The following TXNDC11 variants were observed in gnomAD, a reference collection of about 807,000 sequenced individuals.
TXNDC11 encodes the protein thioredoxin domain-containing protein 11.
In TXNDC11, 68 loss-of-function variants were observed where a neutral mutation model predicts 78.0. The ratio of observed to expected loss-of-function variants is 0.87; its 90% confidence interval spans 0.72 to 1.07. The LOEUF (loss-of-function observed/expected upper bound fraction) is 1.07. Among genes scored for constraint, TXNDC11 ranks in the 50% least tolerant of loss-of-function variants. The probability of loss-of-function intolerance (pLI) is 0.00; values close to 1 mark genes in which losing one functional copy is unlikely to be tolerated. For missense variants in TXNDC11, 1,389 were observed against 1,221.8 expected (o/e 1.14, Z -2.04); for synonymous variants, 571 against 495.2 (o/e 1.15, Z -2.03).
At chr16:11,704,749 T>C (rs1459983620) in intron 5 of TXNDC11, among the ~76,000 whole-genome samples, 2 of 152,116 alleles carry the variant, frequency 1.3e-5, no homozygotes, top group African/African-American at 4.8e-5. Flanking sequence ...GACAGAGGAT[T>C]TGTCATAGGT....
chr16:11,733,909 G>T, intron 3 of TXNDC11, 73 bp downstream of exon 3: 1 of 1,128,428 alleles, frequency 8.9e-7, no homozygotes, highest in Non-Finnish European at 1.3e-6. Context: ...CTTTAATATA[G>T]AAAAAATGCA....
intron 7 of TXNDC11, among the ~76,000 whole-genome samples, chr16:11,696,444 C>T (rs1030796959): frequency 1.3e-5 from 2 of 152,024 alleles, no homozygotes; most frequent in Admixed American, 6.5e-5. Flanking sequence ...CTGTACTGGA[C>T]AAGCCTCTAA....
Position 11,687,866 on chromosome 16 carries a change from G to C in TXNDC11, c.2144C>G (p.Thr715Ser), listed in dbSNP as rs1597407770. Residue 715 changes from threonine to serine, a missense_variant, in exon 10 of 12, where the codon ACT becomes AGT. By Grantham distance (58) the Thr-to-Ser change is moderately conservative. Transcript: ENST00000283033. The stretch of plus-strand genomic sequence containing the variant: ...GAAGAGGCCTGCTTACCTTGCCACA[G>C]TGAATGTGTCCATGGGCAGGTTCCG... ...LARNLPMDTF[T>S]VARIDVSQND... 2 of 1,612,074 alleles carry C rather than the reference G, an allele frequency of 1.2e-6. No individual in the cohort carries two copies. Among genetic ancestry groups the C allele is most frequent in the Non-Finnish European group, 1.7e-6 (2 of 1,178,350 alleles).
At chr16:11,697,782 CCT>C (rs1258720390) in intron 7 of TXNDC11, among the ~76,000 whole-genome samples, 3 of 152,198 alleles carry the variant, frequency 2.0e-5, no homozygotes, top group Non-Finnish European at 2.9e-5. Context: ...CCTGCCACTC[CCT>C]GTTTCACCCC....
At chr16:11,710,869 G>T (rs1360942381) in intron 5 of TXNDC11, among the ~76,000 whole-genome samples, 2 of 152,118 alleles carry the variant, frequency 1.3e-5, no homozygotes, top group South Asian at 4.2e-4. Flanking sequence ...ATTGGCCCCT[G>T]TCTATCTATG....
At chr16:11,731,326 G>T (rs971424737) in intron 3 of TXNDC11, among the ~76,000 whole-genome samples, 17 of 152,282 alleles carry the variant, frequency 1.1e-4, no homozygotes, top group Admixed American at 9.2e-4. Context: ...ATTATGTGAA[G>T]GTCTGAAGTC....
chr16:11,736,305 T>C (rs749316744), intron 1 of TXNDC11, 72 bp from the exon 2 acceptor site: 1 of 1,262,542 alleles, frequency 7.9e-7, no homozygotes, highest in Non-Finnish European at 1.1e-6. Context: ...GGAAGTAGAA[T>C]GAAGCTTAAA....
intron 11 of TXNDC11, among the ~76,000 whole-genome samples, chr16:11,680,917 A>G (rs1332432186): frequency 6.6e-6 from 1 of 152,182 alleles, no homozygotes; most frequent in African/African-American, 2.4e-5. Flanking sequence ...CTGTAATCCC[A>G]GTGCTTTGGG....
In TXNDC11 at chr16:11,700,774, T is replaced by A. The variant is rs374744768; in HGVS notation, c.794-210A>T. Among the ~76,000 whole-genome samples the A allele has an allele frequency of 2.8e-4, 43 of 152,300 alleles. 1 individual carries two copies. Among genetic ancestry groups the A allele is most frequent in the African/African-American group, 9.6e-4 (40 of 41,556 alleles). On this transcript the variant is annotated intron_variant, in intron 5 of 11. Transcript: ENST00000283033. ...TGTCAAGCCTGCTTCTGAGAGGATG[T>A]CTCTGACTAACGTCTCTGACAATCA...
At chr16:11,724,870 C>T (rs562567736) in intron 4 of TXNDC11, among the ~76,000 whole-genome samples, 10 of 152,200 alleles carry the variant, frequency 6.6e-5, no homozygotes, top group Non-Finnish European at 1.0e-4. Flanking sequence ...CTCAGCCTCC[C>T]GAGTAGCTGG....
chr16:11,688,419 G>A lies in TXNDC11; in HGVS notation c.1927C>T (p.Leu643Phe), dbSNP rs1211112871. The A allele has an allele frequency of 6.2e-7, 1 of 1,609,974 alleles. No homozygotes were observed. The highest frequency in any genetic ancestry group is 1.3e-5 in the African/African-American group (1 of 74,736). Reference protein sequence around the residue: ...LESFIQNFSVLYSPLKRHLIG... With the variant: ...LESFIQNFSVFYSPLKRHLIG... ...AGATGCCTTTTCAAGGGACTATAGA[G>A]AACGCTGAAGTTTTGAATAAAAGAC... Residue 643 changes from leucine (L) to phenylalanine (F), a missense_variant, in exon 9 of 12, where the codon CTC (leucine) becomes TTC (phenylalanine). Coordinates refer to ENST00000283033, the MANE Select transcript of TXNDC11 (RefSeq NM_015914.7).
At chr16:11,687,090 TCC>T (rs1160483795) in intron 10 of TXNDC11, among the ~76,000 whole-genome samples, 4 of 152,198 alleles carry the variant, frequency 2.6e-5, no homozygotes, top group Admixed American at 2.6e-4. Context: ...ATATTAATGG[TCC>T]CCCTTTTTGT....
chr16:11,742,648 GC>G lies in TXNDC11; in HGVS notation c.82del (p.Ala28ArgfsTer63). 6.8e-7 allele frequency: 1 copy of G among 1,460,496 alleles called. No individual in the cohort carries two copies. 90.5% of individuals were successfully genotyped at this position (1,460,496 alleles called of 1,614,324 possible). On this transcript the variant is annotated frameshift_variant, in exon 1 of 12. Coordinates refer to ENST00000283033, the MANE Select transcript of TXNDC11 (RefSeq NM_015914.7). LOFTEE classifies it high-confidence loss of function. ...EDEGGGGGGP[A>X]GSDCLSSSPT... ...GCTCGAGCTGAGGCAGTCTGAGCCC[GC>G]GGGGCCGCCGCCGCCCCCTCCCTCG...
chr16:11,681,668 C>T (rs1003193879), intron 11 of TXNDC11, among the ~76,000 whole-genome samples: 1 of 152,174 alleles, frequency 6.6e-6, no homozygotes, highest in Non-Finnish European at 1.5e-5. Flanking sequence ...GAGCACCCAT[C>T]TCCCCCTCAT....
rs1342639562 is a variant in TXNDC11, at chr16:11,691,291, T to C, written c.1899A>G (p.Leu633=). The C allele has an allele frequency of 1.2e-6, 2 of 1,611,272 alleles. No individual in the cohort carries two copies. The highest frequency in any genetic ancestry group is 3.3e-5 in the Admixed American group (2 of 59,754). Residue 633 remains leucine (L), a splice_region_variant and synonymous_variant, in exon 8 of 12, where the codon CTA becomes CTG. Coordinates refer to ENST00000283033, the MANE Select transcript of TXNDC11 (RefSeq NM_015914.7). The part of the protein sequence containing the change: ...DPKQALMKLT[L]ESFIQNFSVL... ...GGGGAAATAAACTGCCTGCAGTACC[T>C]AGGGTGAGCTTCATCAGTGCTTGCT...
chr16:11,713,415 A>T (rs1220345860), intron 5 of TXNDC11, among the ~76,000 whole-genome samples: 1 of 151,778 alleles, frequency 6.6e-6, no homozygotes, highest in Non-Finnish European at 1.5e-5. Flanking sequence ...AAAGTATGGA[A>T]TTTTTTTTCC....
chr16:11,692,246 T>A, intron 7 of TXNDC11, 164 bp from the exon 8 acceptor site: 1 of 622,032 alleles, frequency 1.6e-6, no homozygotes, highest in South Asian at 2.5e-5. Flanking sequence ...AGTTTTAAAC[T>A]ACATGTCGCT....
At chr16:11,702,502 T>G (rs958610725) in intron 5 of TXNDC11, among the ~76,000 whole-genome samples, 4 of 152,090 alleles carry the variant, frequency 2.6e-5, no homozygotes, top group African/African-American at 4.8e-5. Flanking sequence ...ACCCTGTCTC[T>G]ACTAAAAATA....
rs1597500297 is a variant in TXNDC11, at chr16:11,736,112, C to G, written c.376G>C (p.Glu126Gln). The G allele has an allele frequency of 3.1e-6, 5 of 1,614,222 alleles. No individual in the cohort carries two copies. Among genetic ancestry groups the G allele is most frequent in the Non-Finnish European group, 4.2e-6 (5 of 1,180,046 alleles). The change falls in exon 2 of 12, where the codon GAG becomes CAG. Residue 126 changes from glutamate (E) to glutamine (Q), a missense_variant. Glu to Gln is a conservative substitution (Grantham distance 29). Coordinates refer to ENST00000283033, the MANE Select transcript of TXNDC11 (RefSeq NM_015914.7). ...DYAEYVRRDSEVVLLFFYAPW... is the reference protein window; with the variant it reads ...DYAEYVRRDSQVVLLFFYAPW... Reference sequence around the variant, plus strand: ...GCATAGAAGAAGAGCAGTACCACCTCTGAATCCCGTCGAACGTACTCTGCA... The same window carrying G: ...GCATAGAAGAAGAGCAGTACCACCTGTGAATCCCGTCGAACGTACTCTGCA...
Sources: allele counts gnomAD v4.1 joint callset (sites outside exome capture counted in the v4.1 genomes callset), GRCh38; gene constraint gnomAD v4.1.1; transcripts MANE v1.5; gene names NCBI Gene and HGNC (gene_info 2026-07-23, HGNC 2026-07-21).